Variants in ADCY2 observed in about 807,000 individuals in gnomAD.
The protein encoded by ADCY2 is adenylate cyclase 2.
ADCY2 carries 31 observed loss-of-function variants against 125.2 expected under a neutral mutation model. That is an observed-to-expected ratio of 0.25 (90% CI 0.19 to 0.33). The LOEUF (loss-of-function observed/expected upper bound fraction) is 0.33. Ranked by LOEUF, ADCY2 falls within the 10% of genes least tolerant of loss-of-function variation. The pLI, the probability that ADCY2 is intolerant of heterozygous loss-of-function variation, is 1.00. For synonymous variants in ADCY2, 512 were observed against 548.4 expected (o/e 0.93, Z 0.93); for missense variants, 904 against 1,418.2 (o/e 0.64, Z 5.82).
chr5:7,621,090 G>A (rs909527268), intron 3 of ADCY2, among the ~76,000 whole-genome samples: 1 of 152,190 alleles, frequency 6.6e-6, no homozygotes, highest in Non-Finnish European at 1.5e-5. Context: ...AGGGATCTGA[G>A]TGGTCACCTA....
At chr5:7,777,452 C>G (rs1013781440) in intron 18 of ADCY2, among the ~76,000 whole-genome samples, 6 of 152,222 alleles carry the variant, frequency 3.9e-5, no homozygotes, top group Admixed American at 6.5e-5. Flanking sequence ...AGCCTGACAC[C>G]AGCTTCCTGA....
rs534692854 is a variant in ADCY2 at position 7,582,138 on chromosome 5, G to A, written c.571-44029G>A. On this transcript the variant is annotated intron_variant, in intron 3 of 24. Coordinates refer to ENST00000338316, the MANE Select transcript of ADCY2 (RefSeq NM_020546.3). ...GGAGTGGCTAGGTTAACATTATTTA[G>A]AGTAGGTTTCAGGACAGATTATTAT... Among the ~76,000 whole-genome samples the A allele has an allele frequency of 3.7e-4, 57 of 152,250 alleles. 1 individual carries two copies. The highest frequency in any genetic ancestry group is 1.2e-3 in the South Asian group (6 of 4,822).
chr5:7,583,464 A>G (rs1361903730), intron 3 of ADCY2, among the ~76,000 whole-genome samples: 1 of 152,090 alleles, frequency 6.6e-6, no homozygotes, highest in African/African-American at 2.4e-5. Context: ...TCCTAGCATA[A>G]GGATCCACCA....
intron 3 of ADCY2, among the ~76,000 whole-genome samples, chr5:7,540,098 G>A (rs1219266183): frequency 2.6e-5 from 4 of 152,068 alleles, no homozygotes; most frequent in Non-Finnish European, 2.9e-5. Context: ...TGAATACCAC[G>A]TGTTCTCACT....
intron 22 of ADCY2, among the ~76,000 whole-genome samples, chr5:7,813,026 TG>T (rs1744994054): frequency 6.6e-6 from 1 of 152,242 alleles, no homozygotes; most frequent in South Asian, 2.1e-4. Flanking sequence ...TTGAAGAAAC[TG>T]GAGCTGAACC....
chr5:7,485,225 T>C (rs868500561), intron 2 of ADCY2, among the ~76,000 whole-genome samples: 12 of 152,202 alleles, frequency 7.9e-5, no homozygotes, highest in Non-Finnish European at 1.5e-4. Flanking sequence ...TTTATAAGTC[T>C]AAGTAGAAAA....
chr5:7,707,557 C>T, intron 8 of ADCY2, 149 bp from the exon 9 acceptor site: 1 of 896,510 alleles, frequency 1.1e-6, no homozygotes, highest in Non-Finnish European at 1.7e-6. Flanking sequence ...CTTTCCAAAG[C>T]AGTGGTCAAT....
At chr5:7,568,047 CA>C (rs530534996) in intron 3 of ADCY2, among the ~76,000 whole-genome samples, 143 of 151,816 alleles carry the variant, frequency 9.4e-4, no homozygotes, top group Admixed American at 3.2e-3. Context: ...TAAGAGAAAA[CA>C]ACATTCTGGG....
chr5:7,686,260 C>G (rs567062703), intron 4 of ADCY2, among the ~76,000 whole-genome samples: 89 of 152,322 alleles, frequency 5.8e-4, no homozygotes, highest in African/African-American at 2.1e-3. Flanking sequence ...AATGTAGCTA[C>G]AATGTCTGCC....
intron 2 of ADCY2, among the ~76,000 whole-genome samples, chr5:7,471,233 G>A (rs979716437): frequency 6.6e-6 from 1 of 151,770 alleles, no homozygotes; most frequent in Non-Finnish European, 1.5e-5. Context: ...TAATTGGTGT[G>A]TCTAACTATT....
In ADCY2 at chr5:7,520,870, C is replaced by G. The variant is rs748351476; in HGVS notation, c.541C>G (p.Pro181Ala). The G allele has an allele frequency of 2.5e-6, 4 of 1,614,074 alleles. No individual in the cohort carries two copies. The East Asian group carries it at 8.9e-5, about 36-fold the overall frequency. Residue 181 changes from proline to alanine, a missense_variant, in exon 3 of 25, where the codon CCG becomes GCG. This residue lies in a region of ADCY2 where 121 missense variants were observed against 161.5 expected (regional missense o/e 0.75). Coordinates refer to ENST00000338316, the MANE Select transcript of ADCY2 (RefSeq NM_020546.3). ...GCTTAGCGTCTGCCTGTCTGCAACA[C>G]CGGGAGGCAAGGAGCACCTGGTCTG... ...IVLSVCLSAT[P>A]GGKEHLVWQI...
Position 7,802,473 on chromosome 5 carries a change from G to A in ADCY2, c.2775+109G>A. The A allele has an allele frequency of 2.3e-6, 3 of 1,303,104 alleles. No individual in the cohort carries two copies. Among genetic ancestry groups the A allele is most frequent in the Non-Finnish European group, 3.1e-6 (3 of 962,642 alleles). 80.7% of individuals were successfully genotyped at this position (1,303,104 alleles called of 1,614,324 possible). ...CTATCCCAAAAAAACTTGTCCTTTG[G>A]CATAATTTCTGGCAGATGGCATTAA... On this transcript the variant is annotated intron_variant, in intron 21 of 24. Coordinates refer to ENST00000338316, the MANE Select transcript of ADCY2 (RefSeq NM_020546.3). The surrounding 1 kb of genome is among the most constrained non-coding windows in gnomAD (Gnocchi z 4.6).
In ADCY2 at chr5:7,789,732, G is replaced by C. The variant is rs1458608360; in HGVS notation, c.2560G>C (p.Val854Leu). The part of the protein sequence containing the change: ...EIETMENLNR[V>L]LLENVLPAHV... ...AGAGACCATGGAGAACCTGAACCGC[G>C]TGCTGCTGGAGAACGTGCTTCCCGC... The change falls in exon 20 of 25, where the codon GTG becomes CTG. Residue 854 changes from valine (V) to leucine (L), a missense_variant. Val to Leu is a conservative substitution (Grantham distance 32, BLOSUM62 1). Coordinates refer to ENST00000338316, the MANE Select transcript of ADCY2 (RefSeq NM_020546.3). 2.5e-6 allele frequency: 4 copies of C among 1,613,466 alleles called. No individual in the cohort carries two copies. The South Asian group carries it at 3.3e-5, about 13-fold the overall frequency.
At chr5:7,705,951 G>A (rs1741254452) in intron 7 of ADCY2, among the ~76,000 whole-genome samples, 1 of 152,100 alleles carries the variant, frequency 6.6e-6, no homozygotes, top group Admixed American at 6.5e-5. Flanking sequence ...ATTCACAAGT[G>A]GTGGTGTCTT....
chr5:7,678,285 T>C (rs1333757635), intron 4 of ADCY2, among the ~76,000 whole-genome samples: 1 of 152,192 alleles, frequency 6.6e-6, no homozygotes. Context: ...GGCGTGTAGC[T>C]GGAGTCAGCC....
In ADCY2 at chr5:7,566,949, G is replaced by GA. The variant is rs140157834; in HGVS notation, c.570+46051dup. On this transcript the variant is annotated intron_variant, in intron 3 of 24. Coordinates refer to ENST00000338316, the MANE Select transcript of ADCY2 (RefSeq NM_020546.3). ...AAGTCTGTCTTGACCAGTTTCAAGT[G>GA]ACTTATTTGTAAAATGCATTTTAAA... Among the ~76,000 whole-genome samples the GA allele has an allele frequency of 4.3e-3, 654 of 152,212 alleles. 3 individuals carry two copies. Among genetic ancestry groups the GA allele is most frequent in the African/African-American group, 0.015 (633 of 41,530 alleles).
intron 3 of ADCY2, among the ~76,000 whole-genome samples, chr5:7,593,567 A>G (rs965497427): frequency 6.6e-6 from 1 of 152,186 alleles, no homozygotes; most frequent in East Asian, 1.9e-4. Flanking sequence ...ATGAGAAAAA[A>G]AAAATAGCCA....
intron 4 of ADCY2, among the ~76,000 whole-genome samples, chr5:7,660,214 T>TGGAG (rs370679171): frequency 3.7e-5 from 3 of 82,046 alleles, no homozygotes; most frequent in African/African-American, 4.8e-5. Context: ...AAGAAAAGGA[T>TGGAG]GGAGGGAGGG....
intron 3 of ADCY2, among the ~76,000 whole-genome samples, chr5:7,576,108 A>G (rs1328164809): frequency 6.6e-6 from 1 of 152,192 alleles, no homozygotes; most frequent in Non-Finnish European, 1.5e-5. Flanking sequence ...GTGTTTGGGC[A>G]TCCTCTGCCT....
Sources: gnomAD v4.1 joint callset for allele counts (sites outside exome capture counted in the v4.1 genomes callset) on GRCh38, gnomAD v4.1.1 for gene constraint, gnomAD v4.1.1 regional missense constraint, Gnocchi (gnomAD v3.1) non-coding constraint, MANE v1.5 for transcripts, NCBI Gene and HGNC (gene_info 2026-07-23, HGNC 2026-07-21) for gene names.